The following SUGCT variants were observed in gnomAD, a reference collection of about 807,000 sequenced individuals.
The protein encoded by SUGCT is succinyl-CoA:glutarate CoA-transferase.
In SUGCT, 41 loss-of-function variants were observed where a neutral mutation model predicts 55.0. That is an observed-to-expected ratio of 0.74 (90% CI 0.58 to 0.97). The LOEUF (loss-of-function observed/expected upper bound fraction) is 0.97. SUGCT is among the 50% of genes least tolerant of loss of function. The pLI is 0.00. For missense variants in SUGCT, 568 were observed against 547.8 expected, an observed-to-expected ratio of 1.04 and a Z score of -0.37; for synonymous variants, 187 against 200.4, an observed-to-expected ratio of 0.93 and a Z score of 0.56.
chr7:40,904,917 A>T, the SUGCT span, among the ~76,000 whole-genome samples: 1 of 152,188 alleles, frequency 6.6e-6, no homozygotes, highest in African/African-American at 2.4e-5. Flanking sequence ...AAGATGTCTA[A>T]AACATTCTAG....
At chr7:40,493,772 A>G (rs1791822600) in intron 11 of SUGCT, among the ~76,000 whole-genome samples, 1 of 152,142 alleles carries the variant, frequency 6.6e-6, no homozygotes. Context: ...AATTTTTTTT[A>G]GCAGAATTTT....
At chr7:40,290,255 A>G (rs1357522412) in intron 8 of SUGCT, among the ~76,000 whole-genome samples, 5 of 152,230 alleles carry the variant, frequency 3.3e-5, no homozygotes, top group East Asian at 3.8e-4. Flanking sequence ...ACTTCAAACT[A>G]TATTACAAGG....
the SUGCT span, among the ~76,000 whole-genome samples, chr7:41,033,450 G>A: frequency 1.3e-5 from 2 of 152,100 alleles, no homozygotes; most frequent in African/African-American, 2.4e-5. Flanking sequence ...CATACAGTAG[G>A]AACTCTGGGA....
Position 40,316,802 on chromosome 7 carries a change from C to G in SUGCT, c.763C>G (p.Gln255Glu). 1 of 1,602,284 alleles carries G rather than the reference C, an allele frequency of 6.2e-7. No individual in the cohort carries two copies. The highest frequency in any genetic ancestry group is 8.5e-7 in the Non-Finnish European group (1 of 1,173,952). The change falls in exon 9 of 14, where the codon CAA (glutamine) becomes GAA (glutamate). Residue 255 changes from glutamine to glutamate, a missense_variant. By Grantham distance (29) the Gln-to-Glu change is conservative. Transcript: ENST00000335693. The stretch of plus-strand genomic sequence containing the variant: ...CATAGCTGCAAATTATCTTATTGGT[C>G]AAAAGGAAGCAAAACGTTGGGGTAC... ...SHIAANYLIG[Q>E]KEAKRWGTAH...
chr7:40,915,026 AATCAGGAAGATAGGGATCGT>A, the SUGCT span, among the ~76,000 whole-genome samples: 1 of 152,194 alleles, frequency 6.6e-6, no homozygotes. Flanking sequence ...GTGCAAACCT[AATCAGGAAGATAGGGATCGT>A]ATCAGAAAAT....
At chr7:40,828,576 T>TAAAAAAAAAA (rs11419901) in intron 13 of SUGCT, among the ~76,000 whole-genome samples, 2 of 89,954 alleles carry the variant, frequency 2.2e-5, no homozygotes. Context: ...CTTGCTACAG[T>TAAAAAAAAAA]AAAAAAAAAA....
At chr7:40,854,472 C>CTTTCTTTCTTTCTTTCTTTCT (rs1563050908) in intron 13 of SUGCT, among the ~76,000 whole-genome samples, 1 of 133,170 alleles carries the variant, frequency 7.5e-6, no homozygotes, top group Non-Finnish European at 1.6e-5. Flanking sequence ...TTCTTTCTTT[C>CTTTCTTTCTTTCTTTCTTTCT]TTTCTCTTTC....
At chr7:40,307,910 A>G (rs1479062830) in intron 8 of SUGCT, among the ~76,000 whole-genome samples, 1 of 152,176 alleles carries the variant, frequency 6.6e-6, no homozygotes, top group Non-Finnish European at 1.5e-5. Flanking sequence ...AAAAAGAGAG[A>G]TGCCAGAAAC....
chr7:40,368,901 C>A (rs192951821), intron 9 of SUGCT, among the ~76,000 whole-genome samples: 1 of 151,776 alleles, frequency 6.6e-6, no homozygotes, highest in Non-Finnish European at 1.5e-5. Flanking sequence ...GTCAGGAGTT[C>A]GAGACCAGCC....
At chr7:40,142,154 A>AGAATGAGTCAAGGTGAAGCAGGTAATCG in intron 1 of SUGCT, among the ~76,000 whole-genome samples, 1 of 152,284 alleles carries the variant, frequency 6.6e-6, no homozygotes, top group South Asian at 2.1e-4. Flanking sequence ...GCAGGTAATC[A>AGAATGAGTCAAGGTGAAGCAGGTAATCG]GAATGAGTCA....
intron 6 of SUGCT, among the ~76,000 whole-genome samples, chr7:40,197,595 A>G (rs903947166): frequency 6.6e-6 from 1 of 152,142 alleles, no homozygotes; most frequent in African/African-American, 2.4e-5. Context: ...CCTCATAGGG[A>G]AAGGTGGAGT....
chr7:40,967,507 C>T, the SUGCT span, among the ~76,000 whole-genome samples: 1 of 152,228 alleles, frequency 6.6e-6, no homozygotes, highest in Admixed American at 6.5e-5. Context: ...CCCAATCTCA[C>T]ACACCCTCAC....
chr7:40,320,014 A>G (rs889593691), intron 9 of SUGCT, among the ~76,000 whole-genome samples: 1 of 152,054 alleles, frequency 6.6e-6, no homozygotes, highest in Non-Finnish European at 1.5e-5. Flanking sequence ...AAAAAGTTTT[A>G]GATTTCACTG....
intron 12 of SUGCT, among the ~76,000 whole-genome samples, chr7:40,583,995 G>A (rs902522397): frequency 5.9e-5 from 9 of 152,148 alleles, no homozygotes; most frequent in African/African-American, 2.2e-4. Flanking sequence ...AGTTGGTGGA[G>A]TTGAATTCTA....
the SUGCT span, among the ~76,000 whole-genome samples, chr7:40,880,801 A>G: frequency 6.6e-6 from 1 of 152,216 alleles, no homozygotes; most frequent in Non-Finnish European, 1.5e-5. Context: ...CAGCTGATAG[A>G]CAGAAGTTCT....
intron 13 of SUGCT, among the ~76,000 whole-genome samples, chr7:40,819,003 GTGGTGTT>G (rs992925213): frequency 6.8e-6 from 1 of 146,264 alleles, no homozygotes; most frequent in African/African-American, 2.5e-5. Context: ...GCGAGAACAT[GTGGTGTT>G]TGGTTTTCTG....
intron 11 of SUGCT, among the ~76,000 whole-genome samples, chr7:40,463,150 C>G (rs915583883): frequency 1.3e-5 from 2 of 152,136 alleles, no homozygotes; most frequent in Non-Finnish European, 2.9e-5. Context: ...TCCTTTAATA[C>G]TTATAGACAC....
the SUGCT span, among the ~76,000 whole-genome samples, chr7:40,953,143 G>T: frequency 5.9e-5 from 9 of 152,156 alleles, no homozygotes; most frequent in African/African-American, 2.2e-4. Flanking sequence ...TGGAGGCTTT[G>T]TTCATTTCTT....
At chr7:40,785,728 T>G (rs954184524) in intron 13 of SUGCT, among the ~76,000 whole-genome samples, 3 of 152,152 alleles carry the variant, frequency 2.0e-5, no homozygotes, top group African/African-American at 7.2e-5. Flanking sequence ...GAGTGAAGAA[T>G]TGTAATTGTA....
Sources: gnomAD v4.1 joint callset for allele counts (sites outside exome capture counted in the v4.1 genomes callset) on GRCh38, gnomAD v4.1.1 for gene constraint, MANE v1.5 for transcripts, NCBI Gene and HGNC (gene_info 2026-07-23, HGNC 2026-07-21) for gene names.